Variants in SMARCA1 observed in about 807,000 individuals in gnomAD.
SMARCA1 encodes the protein SWI/SNF-related matrix-associated actin-dependent regulator of chromatin subfamily A member 1.
In SMARCA1, 17 loss-of-function variants were observed where a neutral mutation model predicts 93.6. The ratio of observed to expected loss-of-function variants is 0.18; its 90% CI spans 0.12 to 0.27. The LOEUF is 0.27. Ranked by LOEUF, SMARCA1 falls within the 10% of genes least tolerant of loss-of-function variation. The probability of loss-of-function intolerance (pLI) is 1.00; values close to 1 mark genes in which losing one functional copy is unlikely to be tolerated. For missense variants in SMARCA1, 630 were observed against 819.0 expected (o/e 0.77, Z 2.82); for synonymous variants, 271 against 271.4 (o/e 1.00, Z 0.01).
At chrX:129,448,115 C>T (rs921789107) in intron 24 of SMARCA1, among the ~76,000 whole-genome samples, 10 of 108,397 alleles carry the variant, frequency 9.2e-5, no homozygotes, top group African/African-American at 2.7e-4. Context: ...TTTTAAAATA[C>T]TGAGCCTAGT....
In SMARCA1 at chrX:129,494,693, G is replaced by A. The variant is rs147404165; in HGVS notation, c.1627-1618C>T. 2.2e-3 allele frequency among the ~76,000 whole-genome samples: 244 copies of A among 111,452 alleles called. 1 individual carries two copies. In the Middle Eastern group the frequency reaches 0.023, roughly 11 times the overall value. ...CCTGCAGTACGTACTGCAATATGCC[G>A]TTTAAAACTGTGCTCATACCTATTA... On this transcript the variant is annotated intron_variant, in intron 12 of 24. Coordinates refer to ENST00000371121, the MANE Select transcript of SMARCA1 (RefSeq NM_001282874.2).
At position 129,471,201 on chromosome X, in the gene SMARCA1, T is replaced by G; in HGVS notation, c.2565+3A>C. Reference sequence around the variant, plus strand: ...AGTATTACAGCCATTGAAAATATTTTACTTGTGTGAGAAGTTTTTCCTTTT... The same window carrying G: ...AGTATTACAGCCATTGAAAATATTTGACTTGTGTGAGAAGTTTTTCCTTTT... On this transcript the variant is annotated splice_donor_region_variant and intron_variant, in intron 20 of 24. Transcript: ENST00000371121. 8.4e-7 allele frequency: 1 copy of G among 1,186,056 alleles called. No homozygotes were observed. Among genetic ancestry groups the G allele is most frequent in the South Asian group, 1.9e-5 (1 of 52,830 alleles).
intron 17 of SMARCA1, among the ~76,000 whole-genome samples, chrX:129,484,018 T>C (rs908169539): frequency 7.1e-5 from 8 of 112,299 alleles, no homozygotes; most frequent in Non-Finnish European, 1.9e-5. Flanking sequence ...AAAAATGTGA[T>C]TCTGGACACC....
chrX:129,468,404 C>A (rs1569428745), intron 21 of SMARCA1, among the ~76,000 whole-genome samples: 1 of 111,861 alleles, frequency 8.9e-6, no homozygotes, highest in Non-Finnish European at 1.9e-5. Context: ...TTAAGGACGA[C>A]CTAGAAAGAA....
chrX:129,466,840 A>T (rs1032830599), intron 21 of SMARCA1, among the ~76,000 whole-genome samples: 8 of 108,310 alleles, frequency 7.4e-5, no homozygotes, highest in African/African-American at 2.4e-4. Flanking sequence ...TTTCTCATAA[A>T]AAAAAAAAAA....
chrX:129,453,910 T>C (rs1446342485), intron 23 of SMARCA1, among the ~76,000 whole-genome samples: 14 of 111,822 alleles, frequency 1.3e-4, no homozygotes, highest in African/African-American at 3.2e-4. Context: ...CAAGCTACCA[T>C]TGACTTTCTT....
intron 1 of SMARCA1, among the ~76,000 whole-genome samples, chrX:129,522,832 G>A (rs958935898): frequency 2.7e-5 from 3 of 111,291 alleles, no homozygotes; most frequent in Non-Finnish European, 5.7e-5. Context: ...GAGAGGAGAG[G>A]GAGAGGCGGA....
intron 6 of SMARCA1, among the ~76,000 whole-genome samples, 170 bp downstream of exon 6, chrX:129,511,633 AT>A (rs77805130): frequency 1.8e-5 from 2 of 112,101 alleles, no homozygotes; most frequent in East Asian, 5.6e-4. Flanking sequence ...TGTTGTGAGA[AT>A]TAAATTAATA....
intron 23 of SMARCA1, 30 bp downstream of exon 23, chrX:129,465,490 G>A: frequency 9.6e-7 from 1 of 1,045,887 alleles, no homozygotes; most frequent in Admixed American, 2.6e-5. Flanking sequence ...ATAAAAAGTT[G>A]GAGGAAATCG....
intron 19 of SMARCA1, among the ~76,000 whole-genome samples, chrX:129,475,924 A>C (rs1933361631): frequency 8.9e-6 from 1 of 112,442 alleles, no homozygotes; most frequent in East Asian, 2.8e-4. Flanking sequence ...CAAAACTCAC[A>C]AAGATTATGG....
intron 23 of SMARCA1, among the ~76,000 whole-genome samples, chrX:129,453,402 T>C (rs1305253340): frequency 2.7e-5 from 3 of 111,324 alleles, no homozygotes; most frequent in Non-Finnish European, 5.7e-5. Context: ...AAGGATGCCC[T>C]CTCTCCCCAC....
In SMARCA1 at chrX:129,496,759, T is replaced by C; in HGVS notation, c.1617A>G (p.Glu539=). ...ATTTTCTCTTCCTCACCTCTCTTTC[T>C]TCATGCGGGGTTTGTCCATCCAGTC... is the stretch of plus-strand genomic sequence containing the variant. The part of the protein sequence containing the change: ...YCRLDGQTPH[E]EREDKFLEVE... Residue 539 remains glutamate (E), a synonymous_variant, in exon 12 of 25, where the codon GAA becomes GAG. Transcript: ENST00000371121. 8.3e-7 allele frequency: 1 copy of C among 1,205,512 alleles called. No homozygotes were observed. The highest frequency in any genetic ancestry group is 1.1e-6 in the Non-Finnish European group (1 of 892,647).
At chrX:129,506,263 A>G (rs776577974) in intron 7 of SMARCA1, 52 bp from the exon 8 acceptor site, 1 of 898,903 alleles carries the variant, frequency 1.1e-6, no homozygotes. Flanking sequence ...AATGCTCAAC[A>G]TTCAGTTATA....
chrX:129,516,152 C>T (rs976594642), intron 3 of SMARCA1, among the ~76,000 whole-genome samples, 158 bp from the exon 4 acceptor site: 1 of 111,951 alleles, frequency 8.9e-6, no homozygotes, highest in Non-Finnish European at 1.9e-5. Flanking sequence ...ACTGATCAGC[C>T]TCTAGTGAGA....
rs762935061 is a variant in SMARCA1, at chrX:129,488,963, T to C, written c.2071A>G (p.Thr691Ala). The C allele has an allele frequency of 8.4e-7, 1 of 1,183,930 alleles. No homozygotes were observed. Among genetic ancestry groups the C allele is most frequent in the South Asian group, 1.8e-5 (1 of 55,428 alleles). ...TTCTTTTCCCCTCTTTCCAGAATAG[T>C]TGTAATGTCTTCATCTGTCAACTCA... ...ESELTDEDIT[T>A]ILERGEKKTA... Residue 691 changes from threonine to alanine, a missense_variant, in exon 16 of 25, where the codon ACT (threonine) becomes GCT (alanine). Thr to Ala is a moderately conservative substitution (Grantham distance 58). Coordinates refer to ENST00000371121, the MANE Select transcript of SMARCA1 (RefSeq NM_001282874.2).
At chrX:129,503,952 G>A (rs1429142095) in intron 9 of SMARCA1, among the ~76,000 whole-genome samples, 3 of 93,178 alleles carry the variant, frequency 3.2e-5, no homozygotes, top group Non-Finnish European at 4.2e-5. Context: ...GCTATAGAGC[G>A]AGACTCTCTC....
At chrX:129,455,597 A>G (rs1479785470) in intron 23 of SMARCA1, among the ~76,000 whole-genome samples, 1 of 110,197 alleles carries the variant, frequency 9.1e-6, no homozygotes, top group Non-Finnish European at 1.9e-5. Context: ...CCAGAACTTA[A>G]AGTATAATTT....
In SMARCA1 at chrX:129,491,958, C is replaced by T. The variant is rs1472276981; in HGVS notation, c.1798G>A (p.Val600Ile). The stretch of plus-strand genomic sequence containing the variant: ...TTACTAACCATAGCTTGTAGATCAA[C>T]CTGTGGGTTCCAGTCTGAATCATAT... ...ILYDSDWNPQ[V>I]DLQAMDRAHR... Residue 600 changes from valine (V) to isoleucine (I), a missense_variant, in exon 14 of 25, where the codon GTT becomes ATT. Coordinates refer to ENST00000371121, the MANE Select transcript of SMARCA1 (RefSeq NM_001282874.2). 8.4e-7 allele frequency: 1 copy of T among 1,194,126 alleles called. No individual in the cohort carries two copies. Among genetic ancestry groups the T allele is most frequent in the African/African-American group, 1.8e-5 (1 of 56,915 alleles).
chrX:129,513,203 A>G (rs747410571), intron 5 of SMARCA1, among the ~76,000 whole-genome samples: 1 of 111,478 alleles, frequency 9.0e-6, no homozygotes, highest in South Asian at 3.7e-4. Context: ...ATACTCCTTA[A>G]AAGTGTCTAT....
Sources: allele counts gnomAD v4.1 joint callset (sites outside exome capture counted in the v4.1 genomes callset), GRCh38; gene constraint gnomAD v4.1.1; transcripts MANE v1.5; gene names NCBI Gene and HGNC (gene_info 2026-07-23, HGNC 2026-07-21).